MEGF6: variants seen among roughly 807,000 people sequenced by gnomAD.
MEGF6 encodes multiple epidermal growth factor-like domains protein 6.
In MEGF6, 184 loss-of-function variants were observed where a neutral mutation model predicts 207.1. The observed-to-expected ratio is 0.89, with a 90% CI of 0.79 to 1.00. The LOEUF (loss-of-function observed/expected upper bound fraction) is 1.00. Ranked by LOEUF, MEGF6 falls within the 50% of genes least tolerant of loss-of-function variation. The pLI, the probability that MEGF6 is intolerant of heterozygous loss-of-function variation, is 0.00. For missense variants in MEGF6, 2,282 were observed against 2,202.9 expected (o/e 1.04, Z -0.72); for synonymous variants, 1,038 against 910.0 (o/e 1.14, Z -2.53).
chr1:3,536,327 A>C (rs1642327567), intron 4 of MEGF6, among the ~76,000 whole-genome samples: 1 of 151,264 alleles, frequency 6.6e-6, no homozygotes, highest in Admixed American at 6.6e-5. Flanking sequence ...CACAGGCAGG[A>C]CATGGCTCTG....
chr1:3,600,926 C>T (rs1644146387), intron 2 of MEGF6, among the ~76,000 whole-genome samples: 1 of 152,194 alleles, frequency 6.6e-6, no homozygotes, highest in Admixed American at 6.5e-5. Flanking sequence ...CCATGACAAG[C>T]CCAGGACCTT....
chr1:3,527,148 G>A (rs967864035), intron 4 of MEGF6, among the ~76,000 whole-genome samples: 1 of 152,068 alleles, frequency 6.6e-6, no homozygotes, highest in African/African-American at 2.4e-5. Context: ...TCCCACCCAC[G>A]GTCCCTGTGA....
At chr1:3,526,459 G>A (rs1377503210) in intron 4 of MEGF6, among the ~76,000 whole-genome samples, 1 of 148,656 alleles carries the variant, frequency 6.7e-6, no homozygotes, top group Non-Finnish European at 1.5e-5. Flanking sequence ...GTGCAATGGT[G>A]CAACCTCGGC....
chr1:3,510,345 C>G lies in MEGF6; in HGVS notation c.1235-353G>C, dbSNP rs1641293147. ...CACAGCCCTCCAGGCAGCAGGCACT[C>G]AACCAACACCCACAGCCCTGCACGC... On this transcript the variant is annotated intron_variant, in intron 10 of 36. Coordinates refer to ENST00000356575, the MANE Select transcript of MEGF6 (RefSeq NM_001409.4). Among the ~76,000 whole-genome samples, 3 of 152,224 alleles carry G rather than the reference C, an allele frequency of 2.0e-5. No individual in the cohort carries two copies. The South Asian group carries it at 6.2e-4, about 32-fold the overall frequency.
intron 24 of MEGF6, 151 bp downstream of exon 24, chr1:3,498,987 T>C: frequency 7.2e-7 from 1 of 1,395,818 alleles, no homozygotes; most frequent in Non-Finnish European, 9.7e-7. Context: ...CATCCCTGCC[T>C]GGAGAGGGGC....
chr1:3,513,548 G>T lies in MEGF6; in HGVS notation c.853+1002C>A, dbSNP rs563640209. Among the ~76,000 whole-genome samples the T allele has an allele frequency of 2.1e-3, 305 of 146,966 alleles. 1 individual carries two copies. The highest frequency in any genetic ancestry group is 7.5e-3 in the African/African-American group (295 of 39,542). ...CCACCTTGGCCTCTCAAAGTGCTGGGATTACAGGTGTGAGCCACCACACCT... is the reference window on the plus strand; with the variant it reads ...CCACCTTGGCCTCTCAAAGTGCTGGTATTACAGGTGTGAGCCACCACACCT... On this transcript the variant is annotated intron_variant, in intron 7 of 36. Transcript: ENST00000356575.
intron 4 of MEGF6, among the ~76,000 whole-genome samples, chr1:3,539,138 T>C (rs573574701): frequency 6.6e-6 from 1 of 152,118 alleles, no homozygotes; most frequent in East Asian, 1.9e-4. Context: ...AATCCAGTGA[T>C]CAAGGGTGCC....
intron 4 of MEGF6, among the ~76,000 whole-genome samples, chr1:3,541,209 G>A (rs991983278): frequency 6.6e-6 from 1 of 152,232 alleles, no homozygotes; most frequent in Non-Finnish European, 1.5e-5. Flanking sequence ...CCCCGTGGGG[G>A]GCCTCAGCAC....
intron 4 of MEGF6, among the ~76,000 whole-genome samples, chr1:3,575,989 TCTC>T (rs34729687): frequency 0.39 from 58,756 of 151,812 alleles, 12,686 homozygotes; most frequent in East Asian, 0.58. Context: ...CATCGCCAAA[TCTC>T]CTCCCTGCTG....
At chr1:3,583,345 G>C in intron 3 of MEGF6, among the ~76,000 whole-genome samples, 1 of 136,512 alleles carries the variant, frequency 7.3e-6, no homozygotes, top group African/African-American at 3.2e-5. Flanking sequence ...ACAACGCGCA[G>C]CCACCAGACA....
chr1:3,548,550 C>T (rs1421500017), intron 4 of MEGF6, among the ~76,000 whole-genome samples: 1 of 152,254 alleles, frequency 6.6e-6, no homozygotes, highest in Non-Finnish European at 1.5e-5. Flanking sequence ...CCCCTGTCTG[C>T]CTGGCCCCGA....
rs61762177 is a variant in MEGF6 at position 3,568,009 on chromosome 1, C to A, written c.481+11816G>T. Among the ~76,000 whole-genome samples, 13 of 152,134 alleles carry A rather than the reference C, an allele frequency of 8.5e-5. 1 individual carries two copies. The East Asian group carries it at 2.5e-3, about 29-fold the overall frequency. On this transcript the variant is annotated intron_variant, in intron 4 of 36. Transcript: ENST00000356575. ...CCGTGCTGTGGGACAGGCCCAGCCA[C>A]GGGGCCCAGCTGCTGAGGAGGCAGA...
Position 3,595,349 on chromosome 1 carries a change from CCCT to C in MEGF6, c.362_364del (p.Glu121del). ...CAGGCGGCACTCACCCGAGAGGCAG[CCCT>C]CCTCGTCGGGCTGCTGCATCCACCC... On this transcript the variant is annotated inframe_deletion, in exon 3 of 37. Coordinates refer to ENST00000356575, the MANE Select transcript of MEGF6 (RefSeq NM_001409.4). 1 of 1,604,348 alleles carries C rather than the reference CCCT, an allele frequency of 6.2e-7. No homozygotes were observed. The highest frequency in any genetic ancestry group is 8.5e-7 in the Non-Finnish European group (1 of 1,174,036).
chr1:3,528,462 C>T (rs993701950), intron 4 of MEGF6, among the ~76,000 whole-genome samples: 1 of 152,182 alleles, frequency 6.6e-6, no homozygotes, highest in Non-Finnish European at 1.5e-5. Context: ...AGCTGAATAA[C>T]GAATGTCCCC....
intron 2 of MEGF6, 120 bp from the exon 3 acceptor site, chr1:3,595,567 G>T: frequency 1.3e-6 from 1 of 795,398 alleles, no homozygotes; most frequent in Non-Finnish European, 2.0e-6. Flanking sequence ...ACAGGCTGCA[G>T]CACCAAGGTT....
intron 29 of MEGF6, 102 bp from the exon 30 acceptor site, chr1:3,496,120 C>T (rs1478415678): frequency 2.1e-6 from 3 of 1,413,406 alleles, no homozygotes; most frequent in Admixed American, 3.0e-5. Context: ...TGAGGGGACC[C>T]TGGGTCTGCC....
rs369856647 is a variant in MEGF6 at position 3,499,273 on chromosome 1, G to A, written c.2966-7C>T. On this transcript the variant is annotated splice_polypyrimidine_tract_variant and splice_region_variant and intron_variant, in intron 23 of 36. Transcript: ENST00000356575. ...TAGGTGTGGGCTGGGCAGGCTGCAG[G>A]TGGAGAGGGCTGGTCAGAGCCAGGG... is the stretch of plus-strand genomic sequence containing the variant. 9 of 1,599,306 alleles carry A rather than the reference G, an allele frequency of 5.6e-6. No homozygotes were observed. Among genetic ancestry groups the A allele is most frequent in the Middle Eastern group, 3.9e-4 (2 of 5,072 alleles).
Position 3,499,662 on chromosome 1 carries a change from G to A in MEGF6, c.2891C>T (p.Ala964Val), listed in dbSNP as rs1318580204. 6.3e-7 allele frequency: 1 copy of A among 1,597,854 alleles called. No individual in the cohort carries two copies. Among genetic ancestry groups the A allele is most frequent in the Admixed American group, 1.7e-5 (1 of 57,964 alleles). The change falls in exon 23 of 37, where the codon GCC becomes GTC. Residue 964 changes from alanine (A) to valine (V), a missense_variant. Ala to Val is a moderately conservative substitution (Grantham distance 64). Transcript: ENST00000356575. ...LDCRSACNCTAGAACDAVNGS... is the reference protein window; with the variant it reads ...LDCRSACNCTVGAACDAVNGS... ...ATTCACGGCATCACAGGCAGCTCCG[G>A]CGGTGCAGTTGCAGGCACTGCGACA...
intron 5 of MEGF6, among the ~76,000 whole-genome samples, chr1:3,516,486 C>G (rs1054268367): frequency 6.6e-6 from 1 of 152,222 alleles, no homozygotes; most frequent in African/African-American, 2.4e-5. Context: ...ACCCCATTAC[C>G]AAAGCGCCGA....
Sources: gnomAD v4.1 joint callset for allele counts (sites outside exome capture counted in the v4.1 genomes callset) on GRCh38, gnomAD v4.1.1 for gene constraint, MANE v1.5 for transcripts, NCBI Gene and HGNC (gene_info 2026-07-23, HGNC 2026-07-21) for gene names.